The following ZEB1 variants were observed in gnomAD, a reference collection of about 807,000 sequenced individuals.
ZEB1 encodes zinc finger E-box binding homeobox 1.
In ZEB1, 21 loss-of-function variants were observed where a neutral mutation model predicts 84.9. The ratio of observed to expected loss-of-function variants is 0.25; its 90% CI spans 0.18 to 0.36. The LOEUF (loss-of-function observed/expected upper bound fraction) is 0.36, where lower values mean the gene tolerates loss of function less well. Ranked by LOEUF, ZEB1 falls within the 10% of genes least tolerant of loss-of-function variation. ZEB1 has a pLI of 1.00. For synonymous variants in ZEB1, 420 were observed against 471.1 expected, an observed-to-expected ratio of 0.89 and a Z score of 1.41; for missense variants, 1,104 against 1,330.2, an observed-to-expected ratio of 0.83 and a Z score of 2.65.
intron 1 of ZEB1, among the ~76,000 whole-genome samples, chr10:31,418,264 A>G (rs1431211792): frequency 2.0e-5 from 3 of 151,922 alleles, no homozygotes; most frequent in Non-Finnish European, 4.4e-5. Context: ...AGACAAGAGC[A>G]GGAGGATTCC....
chr10:31,489,772 A>G (rs1193665610), intron 2 of ZEB1, among the ~76,000 whole-genome samples: 1 of 150,928 alleles, frequency 6.6e-6, no homozygotes, highest in Non-Finnish European at 1.5e-5. Context: ...TCCCTCCTTT[A>G]TTTTATAGTT....
At chr10:31,414,453 G>T (rs984022610) in intron 1 of ZEB1, among the ~76,000 whole-genome samples, 1 of 152,050 alleles carries the variant, frequency 6.6e-6, no homozygotes, top group African/African-American at 2.4e-5. Context: ...AGGTTAATTG[G>T]AGCATAACAA....
chr10:31,339,097 C>G (rs1418534164), intron 1 of ZEB1, among the ~76,000 whole-genome samples: 1 of 151,944 alleles, frequency 6.6e-6, no homozygotes, highest in African/African-American at 2.4e-5. Context: ...AGTTCTTTAC[C>G]CATTCAGACC....
At chr10:31,327,061 A>G (rs1720073977) in intron 1 of ZEB1, among the ~76,000 whole-genome samples, 1 of 143,590 alleles carries the variant, frequency 7.0e-6, no homozygotes, top group South Asian at 2.2e-4. Context: ...TATAAGTGCT[A>G]CTTTGCTCTA....
chr10:31,367,829 A>G (rs1325973014), intron 1 of ZEB1, among the ~76,000 whole-genome samples: 1 of 152,184 alleles, frequency 6.6e-6, no homozygotes, highest in Non-Finnish European at 1.5e-5. Context: ...TGCTTTTAGG[A>G]AGCCTGTCAC....
chr10:31,508,601 C>T (rs999555229), intron 4 of ZEB1, among the ~76,000 whole-genome samples: 8 of 152,180 alleles, frequency 5.3e-5, no homozygotes, highest in Admixed American at 3.9e-4. Flanking sequence ...GAATAGCATG[C>T]TCGGAAACTG....
intron 1 of ZEB1, among the ~76,000 whole-genome samples, chr10:31,390,236 C>T (rs868608265): frequency 6.6e-6 from 1 of 152,234 alleles, no homozygotes; most frequent in Middle Eastern, 3.4e-3. Context: ...TCTGACAACC[C>T]TTCTCTGGTT....
chr10:31,324,270 A>G (rs1483951650), intron 1 of ZEB1, among the ~76,000 whole-genome samples: 1 of 152,058 alleles, frequency 6.6e-6, no homozygotes, highest in Non-Finnish European at 1.5e-5. Flanking sequence ...TATGTTTGAA[A>G]TGGCATACCT....
At chr10:31,509,102 G>A (rs2069499523) in intron 4 of ZEB1, among the ~76,000 whole-genome samples, 1 of 152,190 alleles carries the variant, frequency 6.6e-6, no homozygotes, top group African/African-American at 2.4e-5. Context: ...GACTGGGAAG[G>A]GAGGTATGTC....
intron 2 of ZEB1, among the ~76,000 whole-genome samples, chr10:31,463,248 G>C (rs2062013794): frequency 6.6e-6 from 1 of 152,102 alleles, no homozygotes; most frequent in African/African-American, 2.4e-5. Flanking sequence ...TCAGTGAACA[G>C]GTTCTGCTTC....
At position 31,355,869 on chromosome 10, in the gene ZEB1, A is replaced by G. The variant is rs146440143; in HGVS notation, c.58+36577A>G. ...GGGAAACCATGGAAAGGTTTTAAGC[A>G]TCGGGGTATGCCATGATTAAATTTT... On this transcript the variant is annotated intron_variant, in intron 1 of 8. Transcript: ENST00000424869. Among the ~76,000 whole-genome samples the G allele has an allele frequency of 9.4e-3, 1,436 of 152,274 alleles. 9 individuals carry two copies. Among genetic ancestry groups the G allele is most frequent in the Non-Finnish European group, 0.015 (992 of 67,988 alleles).
chr10:31,488,438 G>C (rs2066031676), intron 2 of ZEB1, among the ~76,000 whole-genome samples: 1 of 150,092 alleles, frequency 6.7e-6, no homozygotes, highest in African/African-American at 2.4e-5. Flanking sequence ...GCAATTTGTG[G>C]CTTCTTTTTT....
intron 1 of ZEB1, among the ~76,000 whole-genome samples, chr10:31,405,838 C>T (rs184696852): frequency 2.2e-3 from 341 of 152,222 alleles, no homozygotes; most frequent in Non-Finnish European, 4.2e-3. Flanking sequence ...ATGCTATCCC[C>T]CACCTAGCCT....
chr10:31,495,659 G>A (rs1218275370), intron 2 of ZEB1, 117 bp from the exon 3 acceptor site: 1 of 983,826 alleles, frequency 1.0e-6, no homozygotes, highest in Non-Finnish European at 1.6e-6. Context: ...TTTGATACAT[G>A]TATACAATGT....
rs372892349 is a variant in ZEB1, at chr10:31,361,273, A to G, written c.58+41981A>G. 5.4e-5 allele frequency: 82 copies of G among 1,525,958 alleles called. No homozygotes were observed. The African/African-American group carries it at 1.0e-3, about 19-fold the overall frequency. 94.5% of individuals were successfully genotyped at this position (1,525,958 alleles called of 1,614,324 possible). A position where few individuals can be genotyped will look rare whatever the true frequency, so the allele number is the denominator to read the frequency against. ...AGTGGTGCGATCTCGGCTCACTGCAACCTCCACTTCCCGGGTTCAAGCCAT... is the reference window on the plus strand; with the variant it reads ...AGTGGTGCGATCTCGGCTCACTGCAGCCTCCACTTCCCGGGTTCAAGCCAT... On this transcript the variant is annotated intron_variant, in intron 1 of 8. Transcript: ENST00000424869.
chr10:31,448,996 G>A (rs1267529112), intron 1 of ZEB1, among the ~76,000 whole-genome samples: 2 of 152,250 alleles, frequency 1.3e-5, no homozygotes, highest in Non-Finnish European at 2.9e-5. Flanking sequence ...GCAATGGCGG[G>A]CGCCCCTCCC....
At chr10:31,391,230 T>TG (rs1491152311) in intron 1 of ZEB1, among the ~76,000 whole-genome samples, 9 of 129,808 alleles carry the variant, frequency 6.9e-5, no homozygotes, top group African/African-American at 9.3e-5. Context: ...CACAGGTAAG[T>TG]TTGTGTGTGT....
intron 1 of ZEB1, among the ~76,000 whole-genome samples, chr10:31,391,285 A>G (rs956451547): frequency 2.1e-5 from 3 of 144,838 alleles, no homozygotes; most frequent in Non-Finnish European, 4.5e-5. Context: ...GTGAGATCCA[A>G]TAATTATTTC....
chr10:31,404,283 G>T (rs555612140), intron 1 of ZEB1, among the ~76,000 whole-genome samples: 2 of 149,294 alleles, frequency 1.3e-5, no homozygotes, highest in South Asian at 4.6e-4. Context: ...GTTTCTAAAA[G>T]AATAAATGAA....
Sources: gnomAD v4.1 joint callset for allele counts (sites outside exome capture counted in the v4.1 genomes callset) on GRCh38, gnomAD v4.1.1 for gene constraint, MANE v1.5 for transcripts, NCBI Gene and HGNC (gene_info 2026-07-23, HGNC 2026-07-21) for gene names.